Variants in DMD observed in about 807,000 individuals in gnomAD.
DMD encodes the protein mutant dystrophin.
DMD carries 63 observed loss-of-function variants against 330.1 expected under a neutral mutation model. The observed-to-expected ratio is 0.19, with a 90% CI of 0.16 to 0.24. The LOEUF is 0.24. DMD is among the 10% of genes least tolerant of loss of function. The pLI is 1.00. For synonymous variants in DMD, 1,223 were observed against 959.8 expected (o/e 1.27, Z -5.07); for missense variants, 3,344 against 2,684.1 (o/e 1.25, Z -5.43).
intron 45 of DMD, among the ~76,000 whole-genome samples, chrX:31,952,864 T>C (rs1197482064): frequency 8.9e-6 from 1 of 112,258 alleles, no homozygotes; most frequent in South Asian, 3.6e-4. Context: ...AAATTGAAGT[T>C]TTAATAACTT....
intron 50 of DMD, among the ~76,000 whole-genome samples, chrX:31,779,767 T>TA (rs1193860032): frequency 9.1e-6 from 1 of 110,421 alleles, no homozygotes; most frequent in East Asian, 2.8e-4. Context: ...GGCATCTGAA[T>TA]AGTCTGAGGA....
At chrX:31,645,619 C>T (rs1488645573) in intron 54 of DMD, among the ~76,000 whole-genome samples, 1 of 112,328 alleles carries the variant, frequency 8.9e-6, no homozygotes. Context: ...CTTCAGTGGC[C>T]TGGCCTATAT....
chrX:31,528,420 C>T (rs1489820883), intron 55 of DMD, among the ~76,000 whole-genome samples: 3 of 111,457 alleles, frequency 2.7e-5, no homozygotes, highest in African/African-American at 6.5e-5. Flanking sequence ...GAAAAGAAGC[C>T]CAGAAGTGAA....
At chrX:31,788,563 T>C (rs945817148) in intron 50 of DMD, among the ~76,000 whole-genome samples, 2 of 111,544 alleles carry the variant, frequency 1.8e-5, no homozygotes, top group Non-Finnish European at 3.8e-5. Flanking sequence ...TTAGATGAGA[T>C]GTACTGTATA....
At chrX:31,951,151 A>ATATG (rs1557025548) in intron 45 of DMD, among the ~76,000 whole-genome samples, 1 of 80,015 alleles carries the variant, frequency 1.2e-5, no homozygotes, top group African/African-American at 6.0e-5. Flanking sequence ...GTGTATATAT[A>ATATG]TATATATGTA....
chrX:32,522,684 T>C (rs916875719), intron 17 of DMD, among the ~76,000 whole-genome samples: 2 of 112,437 alleles, frequency 1.8e-5, no homozygotes, highest in African/African-American at 6.5e-5. Context: ...ACTTTGTCTT[T>C]TATTCAAGTA....
intron 7 of DMD, among the ~76,000 whole-genome samples, chrX:32,708,191 G>A: frequency 9.0e-6 from 1 of 111,108 alleles, no homozygotes; most frequent in Non-Finnish European, 1.9e-5. Flanking sequence ...GTATATTTTG[G>A]GATTTCAAAA....
At chrX:31,780,775 C>T (rs1383715259) in intron 50 of DMD, among the ~76,000 whole-genome samples, 2 of 111,817 alleles carry the variant, frequency 1.8e-5, no homozygotes, top group Admixed American at 9.5e-5. Flanking sequence ...AACACATAAA[C>T]ACTTATTTTT....
intron 2 of DMD, among the ~76,000 whole-genome samples, chrX:32,901,533 G>A (rs1462849384): frequency 9.0e-6 from 1 of 110,865 alleles, no homozygotes; most frequent in East Asian, 2.8e-4. Context: ...GAAACTGACT[G>A]ATGAGAAATT....
In DMD at chrX:32,365,115, T is replaced by G; in HGVS notation, c.4930A>C (p.Lys1644Gln). The G allele has an allele frequency of 8.3e-7, 1 of 1,210,934 alleles. No homozygotes were observed. ...TTATCTTCCACCAACGTCTCCTTCTTGCCCAAAACTGTTTTCAAGGCCTCT... is the reference window on the plus strand; with the variant it reads ...TTATCTTCCACCAACGTCTCCTTCTGGCCCAAAACTGTTTTCAAGGCCTCT... Reference protein sequence around the residue: ...VGEALKTVLGKKETLVEDKLS... With the variant: ...VGEALKTVLGQKETLVEDKLS... Residue 1644 changes from lysine (K) to glutamine (Q), a missense_variant, in exon 35 of 79, where the codon AAG (lysine) becomes CAG (glutamine). By Grantham distance (53) the Lys-to-Gln change is moderately conservative. Transcript: ENST00000357033.
At chrX:32,203,709 C>A (rs749634611) in intron 44 of DMD, among the ~76,000 whole-genome samples, 1 of 111,782 alleles carries the variant, frequency 8.9e-6, no homozygotes, top group East Asian at 2.8e-4. Flanking sequence ...CCTCCGTCAC[C>A]TCAGTAACCT....
intron 29 of DMD, among the ~76,000 whole-genome samples, chrX:32,421,729 C>G (rs187561645): frequency 1.0e-3 from 114 of 111,995 alleles, no homozygotes; most frequent in African/African-American, 3.6e-3. Context: ...TGAAACCCAT[C>G]GTGCTGGAAT....
chrX:32,123,240 TATAA>T (rs1449449303), intron 44 of DMD, among the ~76,000 whole-genome samples: 18 of 83,822 alleles, frequency 2.1e-4, no homozygotes, highest in African/African-American at 7.1e-4. Context: ...TATATATATA[TATAA>T]ATGATCAAAA....
chrX:32,533,857 T>A (rs1352933413), intron 17 of DMD, among the ~76,000 whole-genome samples: 1 of 111,716 alleles, frequency 9.0e-6, no homozygotes, highest in African/African-American at 3.3e-5. Flanking sequence ...TGAAAGGTCC[T>A]TGAGTTTAAG....
At chrX:32,768,189 T>A (rs755609664) in intron 7 of DMD, among the ~76,000 whole-genome samples, 36 of 112,162 alleles carry the variant, frequency 3.2e-4, no homozygotes, top group Non-Finnish European at 5.1e-4. Flanking sequence ...TATGCTATCT[T>A]GCAAACACTG....
At chrX:32,194,867 G>A (rs1173271298) in intron 44 of DMD, among the ~76,000 whole-genome samples, 1 of 111,442 alleles carries the variant, frequency 9.0e-6, no homozygotes, top group Non-Finnish European at 1.9e-5. Flanking sequence ...TAAAGAGTTG[G>A]GTGTTCATCC....
chrX:33,106,083 C>CACACACA (rs2095285603), intron 1 of DMD, among the ~76,000 whole-genome samples: 1 of 109,586 alleles, frequency 9.1e-6, no homozygotes, highest in Admixed American at 9.8e-5. Flanking sequence ...CACACACACA[C>CACACACA]CATAGAATAC....
intron 2 of DMD, among the ~76,000 whole-genome samples, chrX:32,980,258 C>A (rs1479268063): frequency 2.9e-5 from 3 of 103,440 alleles, no homozygotes; most frequent in Admixed American, 1.1e-4. Flanking sequence ...CCCAGCTACT[C>A]GGGAGGCTGA....
At chrX:31,455,567 T>C (rs1297668277) in intron 59 of DMD, among the ~76,000 whole-genome samples, 1 of 112,361 alleles carries the variant, frequency 8.9e-6, no homozygotes, top group Non-Finnish European at 1.9e-5. Flanking sequence ...AAACCTGACA[T>C]AGAGTTCCTA....
Sources: allele counts gnomAD v4.1 joint callset (sites outside exome capture counted in the v4.1 genomes callset), GRCh38; gene constraint gnomAD v4.1.1; transcripts MANE v1.5; gene names NCBI Gene and HGNC (gene_info 2026-07-23, HGNC 2026-07-21).